MSANTD3: variants seen among roughly 807,000 people sequenced by gnomAD.
The protein encoded by MSANTD3 is myb/SANT-like DNA-binding domain-containing protein 3.
In MSANTD3, 11 loss-of-function variants were observed where a neutral mutation model predicts 27.7. That is an observed-to-expected ratio of 0.40 (90% confidence interval 0.25 to 0.66). MSANTD3 has a LOEUF of 0.66. Ranked by LOEUF, MSANTD3 falls within the 30% of genes least tolerant of loss-of-function variation. The probability of loss-of-function intolerance (pLI) is 0.41; values close to 1 mark genes in which losing one functional copy is unlikely to be tolerated. For missense variants in MSANTD3, 250 were observed against 336.5 expected (o/e 0.74, Z 2.01); for synonymous variants, 131 against 127.2 (o/e 1.03, Z -0.20).
chr9:100,427,444 G>C (rs1329217775), intron 1 of MSANTD3, 51 bp downstream of exon 1: 4 of 149,828 alleles, frequency 2.7e-5, no homozygotes, highest in Non-Finnish European at 6.0e-5. Context: ...GGCGGGGGTG[G>C]GGGGCGCGGG....
At position 100,442,001 on chromosome 9, in the gene MSANTD3, G is replaced by T. The variant is rs770273213; in HGVS notation, c.63G>T (p.Leu21=). ...TCTCAGAATTGGAAAAGAGCATCCTGCTGGCTTTAGTAGAAAAGTATAAAT... is the reference window on the plus strand; with the variant it reads ...TCTCAGAATTGGAAAAGAGCATCCTTCTGGCTTTAGTAGAAAAGTATAAAT... The part of the protein sequence containing the change: ...KYFSELEKSI[L]LALVEKYKYV... The change falls in exon 2 of 3, where the codon CTG becomes CTT. Residue 21 remains leucine, a synonymous_variant. Coordinates refer to ENST00000395067, the MANE Select transcript of MSANTD3 (RefSeq NM_080655.3). 6.8e-6 allele frequency: 11 copies of T among 1,614,038 alleles called. No homozygotes were observed. The highest frequency in any genetic ancestry group is 5.0e-5 in the Admixed American group (3 of 60,000).
At chr9:100,444,962 C>T in intron 2 of MSANTD3, 1 of 485,946 alleles carries the variant, frequency 2.1e-6, no homozygotes, top group South Asian at 4.1e-5. Context: ...TGGGGACTTC[C>T]CTTTTTGCTG....
chr9:100,441,868 T>C (rs1836631481), intron 1 of MSANTD3, 38 bp from the exon 2 acceptor site: 1 of 1,522,478 alleles, frequency 6.6e-7, no homozygotes, highest in Non-Finnish European at 8.8e-7. Flanking sequence ...TTGTTTTTGC[T>C]GGAGTTGGTA....
At chr9:100,430,074 G>C (rs1426403746) in intron 1 of MSANTD3, among the ~76,000 whole-genome samples, 1 of 142,214 alleles carries the variant, frequency 7.0e-6, no homozygotes, top group Non-Finnish European at 1.5e-5. Flanking sequence ...TCTTTGCCCT[G>C]CTAGTCTCTC....
chr9:100,448,392 A>G, intron 2 of MSANTD3: 1 of 985,260 alleles, frequency 1.0e-6, no homozygotes, highest in Non-Finnish European at 1.2e-6. Flanking sequence ...TTCAGATCCA[A>G]AACTAGAAAG....
chr9:100,448,019 C>T (rs552173091), intron 2 of MSANTD3, among the ~76,000 whole-genome samples: 24 of 151,874 alleles, frequency 1.6e-4, no homozygotes, highest in South Asian at 1.0e-3. Context: ...GGTGAAACCC[C>T]GTCTCTACCA....
At chr9:100,449,440 A>G (rs1330155575) in intron 2 of MSANTD3, among the ~76,000 whole-genome samples, 1 of 152,206 alleles carries the variant, frequency 6.6e-6, no homozygotes, top group East Asian at 1.9e-4. Context: ...TAAGTGCTGT[A>G]ACAGAAGAGT....
chr9:100,427,188 GGGCGGCGGCGTCCGGGCTTTGT>G lies in MSANTD3; in HGVS notation c.-235_-214del, dbSNP rs971316109. ...GGCAGGCGGCGGGCGGTCCGCGAGG[GGGCGGCGGCGTCCGGGCTTTGT>G]GGCCGCGGCGCGCGCGGCGGGGCCT... On this transcript the variant is annotated 5_prime_UTR_variant, in exon 1 of 3. Transcript: ENST00000395067. 2 of 146,340 alleles carry G rather than the reference GGGCGGCGGCGTCCGGGCTTTGT, an allele frequency of 1.4e-5. No individual in the cohort carries two copies. The highest frequency in any genetic ancestry group is 4.9e-5 in the African/African-American group (2 of 40,810). The allele number at this position is 146,340 out of a possible 1,614,324, so 9.1% of individuals were successfully genotyped here.
At chr9:100,427,645 C>T (rs970312608) in intron 1 of MSANTD3, 30 of 152,230 alleles carry the variant, frequency 2.0e-4, no homozygotes, top group African/African-American at 7.2e-4. Flanking sequence ...GCGCCCACGG[C>T]TGGGAGCGGG....
intron 1 of MSANTD3, among the ~76,000 whole-genome samples, chr9:100,434,497 T>A (rs150611715): frequency 8.5e-4 from 129 of 152,226 alleles, no homozygotes; most frequent in African/African-American, 2.8e-3. Context: ...GCCACTCTAC[T>A]CCAGCCTGGG....
At chr9:100,435,158 C>G (rs1456836756) in intron 1 of MSANTD3, among the ~76,000 whole-genome samples, 1 of 152,138 alleles carries the variant, frequency 6.6e-6, no homozygotes, top group Non-Finnish European at 1.5e-5. Context: ...GGGAGTAACT[C>G]CATTTCACAG....
Position 100,442,051 on chromosome 9 carries a change from A to G in MSANTD3, c.113A>G (p.Asp38Gly). Reference sequence around the variant, plus strand: ...TATGTGCTGGAATGTAAGAAAAGTGATGCGCGAACTATTGCCCTTAAGCAG... The same window carrying G: ...TATGTGCTGGAATGTAAGAAAAGTGGTGCGCGAACTATTGCCCTTAAGCAG... ...YKYVLECKKSDARTIALKQRT... is the reference protein window; with the variant it reads ...YKYVLECKKSGARTIALKQRT... Residue 38 changes from aspartate (D) to glycine (G), a missense_variant, in exon 2 of 3, where the codon GAT becomes GGT. Around this residue, in one of 3 missense-constraint regions of MSANTD3, gnomAD observed 235 missense variants for 299.3 expected, o/e 0.79. Transcript: ENST00000395067. 6.2e-7 allele frequency: 1 copy of G among 1,614,250 alleles called. No individual in the cohort carries two copies. The highest frequency in any genetic ancestry group is 8.5e-7 in the Non-Finnish European group (1 of 1,180,036).
chr9:100,446,548 G>A (rs1836758204), intron 2 of MSANTD3, among the ~76,000 whole-genome samples: 1 of 151,984 alleles, frequency 6.6e-6, no homozygotes, highest in East Asian at 1.9e-4. Flanking sequence ...TTCCTAGGCC[G>A]GGCACAGTGG....
intron 1 of MSANTD3, among the ~76,000 whole-genome samples, chr9:100,428,971 A>C (rs910936763): frequency 1.3e-5 from 2 of 152,106 alleles, no homozygotes; most frequent in African/African-American, 4.8e-5. Flanking sequence ...AAGGCAGGAG[A>C]AGAAGGAGCT....
At chr9:100,441,692 C>T (rs1424110277) in intron 1 of MSANTD3, among the ~76,000 whole-genome samples, 1 of 152,144 alleles carries the variant, frequency 6.6e-6, no homozygotes, top group African/African-American at 2.4e-5. Flanking sequence ...CAGATAGTCA[C>T]AGTATAGCCA....
intron 1 of MSANTD3, among the ~76,000 whole-genome samples, chr9:100,437,931 C>T (rs2118205605): frequency 6.6e-6 from 1 of 152,236 alleles, no homozygotes; most frequent in East Asian, 1.9e-4. Context: ...ACAGTAAGGG[C>T]TCAATACAAG....
intron 1 of MSANTD3, among the ~76,000 whole-genome samples, chr9:100,438,764 T>C (rs1360636310): frequency 1.3e-5 from 2 of 152,150 alleles, no homozygotes; most frequent in Non-Finnish European, 2.9e-5. Flanking sequence ...ACAGGGTGTA[T>C]GTTAATAAAT....
chr9:100,428,341 T>A (rs545919459), intron 1 of MSANTD3, among the ~76,000 whole-genome samples: 2 of 152,218 alleles, frequency 1.3e-5, no homozygotes, highest in Admixed American at 6.5e-5. Flanking sequence ...TTTCAGCATG[T>A]CAGAGCAGAT....
At chr9:100,428,214 C>T (rs1010516178) in intron 1 of MSANTD3, among the ~76,000 whole-genome samples, 3 of 152,170 alleles carry the variant, frequency 2.0e-5, no homozygotes, top group African/African-American at 7.2e-5. Context: ...GGCGTGATAA[C>T]ATTTAACATT....
Sources: allele counts gnomAD v4.1 joint callset (sites outside exome capture counted in the v4.1 genomes callset), GRCh38; gene constraint gnomAD v4.1.1; regional missense constraint gnomAD v4.1.1; transcripts MANE v1.5; gene names NCBI Gene and HGNC (gene_info 2026-07-23, HGNC 2026-07-21).